The following NTRK2 variants were observed in gnomAD, a reference collection of about 807,000 sequenced individuals.
NTRK2 encodes the protein BDNF/NT-3 growth factors receptor.
In NTRK2, 13 loss-of-function variants were observed where a neutral mutation model predicts 94.5. That is an observed-to-expected ratio of 0.14 (90% confidence interval 0.09 to 0.22). The LOEUF (loss-of-function observed/expected upper bound fraction) is 0.22. Among genes scored for constraint, NTRK2 ranks in the 10% least tolerant of loss-of-function variants. The probability of loss-of-function intolerance (pLI) is 1.00; values close to 1 mark genes in which losing one functional copy is unlikely to be tolerated. For missense variants in NTRK2, 639 were observed against 1,071.2 expected, an observed-to-expected ratio of 0.60 and a Z score of 5.63; for synonymous variants, 372 against 407.4, an observed-to-expected ratio of 0.91 and a Z score of 1.05.
At position 84,724,504 on chromosome 9, in the gene NTRK2, G is replaced by C. The variant is rs1564131256; in HGVS notation, c.853+148G>C. On this transcript the variant is annotated intron_variant, in intron 8 of 18. Coordinates refer to ENST00000277120, the MANE Select transcript of NTRK2 (RefSeq NM_006180.6). Reference sequence around the variant, plus strand: ...CATACTCTATTAAGAAACATTATCAGCCTCTTTTACTGTTCAATTTCTGCT... The same window carrying C: ...CATACTCTATTAAGAAACATTATCACCCTCTTTTACTGTTCAATTTCTGCT... 7.4e-6 allele frequency: 7 copies of C among 944,102 alleles called. No homozygotes were observed. The East Asian group carries it at 1.7e-4, about 23-fold the overall frequency. 58.5% of individuals were successfully genotyped at this position (944,102 alleles called of 1,614,324 possible). A position where few individuals can be genotyped will look rare whatever the true frequency, so the allele number is the denominator to read the frequency against.
intron 12 of NTRK2, among the ~76,000 whole-genome samples, chr9:84,782,037 A>AACACACACAC (rs58851217): frequency 0.028 from 4,246 of 149,592 alleles, 174 homozygotes; most frequent in African/African-American, 0.093. Context: ...CCTCCAAGAA[A>AACACACACAC]ACACACACAC....
intron 16 of NTRK2, among the ~76,000 whole-genome samples, chr9:84,954,496 AT>A (rs1472794597): frequency 6.6e-6 from 1 of 152,166 alleles, no homozygotes; most frequent in African/African-American, 2.4e-5. Flanking sequence ...AAACAATAAA[AT>A]TTTCCCCAGC....
chr9:84,785,495 G>T (rs1364161279), intron 12 of NTRK2, among the ~76,000 whole-genome samples: 1 of 152,210 alleles, frequency 6.6e-6, no homozygotes, highest in Admixed American at 6.5e-5. Flanking sequence ...TTGCAGTCAA[G>T]TGGCTTCCGT....
At chr9:84,874,342 G>A (rs2075987875) in intron 14 of NTRK2, 1 of 1,064,900 alleles carries the variant, frequency 9.4e-7, no homozygotes, top group South Asian at 4.6e-5. Context: ...AATCCTTTAC[G>A]GCAGCTATTA....
intron 12 of NTRK2, among the ~76,000 whole-genome samples, chr9:84,753,577 C>T (rs1050573632): frequency 1.3e-5 from 2 of 152,162 alleles, no homozygotes; most frequent in South Asian, 2.1e-4. Flanking sequence ...GTAGAGACAT[C>T]GCAAACCAAA....
Position 84,818,917 on chromosome 9 carries a change from G to A in NTRK2, c.1397-42123G>A, listed in dbSNP as rs552838068. Among the ~76,000 whole-genome samples, 8 of 152,308 alleles carry A rather than the reference G, an allele frequency of 5.3e-5. No homozygotes were observed. The South Asian group carries it at 1.7e-3, about 32-fold the overall frequency. Reference sequence around the variant, plus strand: ...AACACCCACAGGCAGAGCAGCGTCGGAGCTGCTTGGTCACTTCAATGTGCC... The same window carrying A: ...AACACCCACAGGCAGAGCAGCGTCGAAGCTGCTTGGTCACTTCAATGTGCC... On this transcript the variant is annotated intron_variant, in intron 12 of 18. Coordinates refer to ENST00000277120, the MANE Select transcript of NTRK2 (RefSeq NM_006180.6).
chr9:84,730,728 G>A (rs62562377), intron 9 of NTRK2, among the ~76,000 whole-genome samples: 1 of 51,600 alleles, frequency 1.9e-5, no homozygotes, highest in African/African-American at 9.5e-5. Flanking sequence ...GCGACAGAGC[G>A]AGACTCCGTC....
chr9:84,842,215 C>T lies in NTRK2; in HGVS notation c.1397-18825C>T, dbSNP rs183406130. 4.6e-5 allele frequency among the ~76,000 whole-genome samples: 7 copies of T among 152,222 alleles called. No homozygotes were observed. In the East Asian group the frequency reaches 5.8e-4, roughly 13 times the overall value. ...TAGGACGTACTTTGGGATGCAACTC[C>T]GTTCCTCGTGAAGAGGCTCTGACCT... On this transcript the variant is annotated intron_variant, in intron 12 of 18. Transcript: ENST00000277120.
chr9:84,889,562 A>C (rs1438219939), intron 14 of NTRK2, among the ~76,000 whole-genome samples: 1 of 151,894 alleles, frequency 6.6e-6, no homozygotes, highest in Non-Finnish European at 1.5e-5. Flanking sequence ...CCAGGTGTGC[A>C]CCACCACACC....
intron 12 of NTRK2, among the ~76,000 whole-genome samples, chr9:84,800,161 T>G (rs966220202): frequency 6.6e-6 from 1 of 152,078 alleles, no homozygotes. Context: ...CTAGTTCTGT[T>G]GTCTAGAACA....
chr9:84,746,598 C>T (rs2064098688), intron 11 of NTRK2, among the ~76,000 whole-genome samples: 1 of 152,130 alleles, frequency 6.6e-6, no homozygotes, highest in African/African-American at 2.4e-5. Flanking sequence ...GAAAGCCACA[C>T]TCTTCATGGT....
intron 12 of NTRK2, among the ~76,000 whole-genome samples, chr9:84,781,489 G>T (rs1471261374): frequency 2.0e-5 from 3 of 151,980 alleles, no homozygotes; most frequent in Non-Finnish European, 4.4e-5. Flanking sequence ...ACCCATTAAA[G>T]ACCTAGCCTT....
intron 2 of NTRK2, among the ~76,000 whole-genome samples, chr9:84,681,668 G>A (rs954929737): frequency 2.0e-5 from 3 of 151,920 alleles, no homozygotes; most frequent in Non-Finnish European, 2.9e-5. Flanking sequence ...TTCCTATTTC[G>A]CATCCCCGCC....
rs2132973790 is a variant in NTRK2 at position 84,955,337 on chromosome 9, G to C, written c.1992G>C (p.Leu664=). 6.2e-7 allele frequency: 1 copy of C among 1,612,326 alleles called. No homozygotes were observed. The highest frequency in any genetic ancestry group is 8.5e-7 in the Non-Finnish European group (1 of 1,179,202). ...LMAEGNPPTE[L]TQSQMLHIAQ... ...CTGAGGGCAACCCGCCCACGGAACT[G>C]ACGCAGTCGCAGATGCTGCATATAG... Residue 664 remains leucine (L), a synonymous_variant, in exon 17 of 19, where the codon CTG becomes CTC. Coordinates refer to ENST00000277120, the MANE Select transcript of NTRK2 (RefSeq NM_006180.6).
intron 17 of NTRK2, among the ~76,000 whole-genome samples, chr9:84,971,590 G>A (rs1193788521): frequency 2.0e-5 from 3 of 152,230 alleles, no homozygotes; most frequent in African/African-American, 7.2e-5. Flanking sequence ...GCTGGACATA[G>A]AGCCCAAGGT....
chr9:84,670,835 T>G lies in NTRK2; in HGVS notation c.87T>G (p.Ala29=). The G allele has an allele frequency of 1.9e-6, 3 of 1,614,114 alleles. No individual in the cohort carries two copies. Among genetic ancestry groups the G allele is most frequent in the Non-Finnish European group, 2.5e-6 (3 of 1,180,024 alleles). ...CWLVVGFWRA[A]FACPTSCKCS... is the part of the protein sequence containing the mutation. ...TGGTTGTGGGCTTCTGGAGGGCCGCTTTCGCCTGTCCCACGTCCTGCAAAT... is the reference window on the plus strand; with the variant it reads ...TGGTTGTGGGCTTCTGGAGGGCCGCGTTCGCCTGTCCCACGTCCTGCAAAT... The change falls in exon 2 of 19, where the codon GCT becomes GCG. Residue 29 remains alanine, a synonymous_variant. Transcript: ENST00000277120.
chr9:84,904,600 T>G (rs1023303825), intron 14 of NTRK2, among the ~76,000 whole-genome samples: 8 of 152,206 alleles, frequency 5.3e-5, no homozygotes, highest in Non-Finnish European at 1.2e-4. Flanking sequence ...AAATAAAAAT[T>G]TAGTGATATC....
intron 12 of NTRK2, among the ~76,000 whole-genome samples, chr9:84,829,408 C>CA (rs887818434): frequency 6.6e-6 from 1 of 152,144 alleles, no homozygotes; most frequent in Non-Finnish European, 1.5e-5. Context: ...AGGTAATAGT[C>CA]AAACAAAGCA....
At chr9:84,952,775 A>G (rs1408488399) in intron 16 of NTRK2, among the ~76,000 whole-genome samples, 1 of 152,194 alleles carries the variant, frequency 6.6e-6, no homozygotes, top group African/African-American at 2.4e-5. Context: ...TATAAAGTGC[A>G]TTAGGCATTT....
Sources: allele counts gnomAD v4.1 joint callset (sites outside exome capture counted in the v4.1 genomes callset), GRCh38; gene constraint gnomAD v4.1.1; transcripts MANE v1.5; gene names NCBI Gene and HGNC (gene_info 2026-07-23, HGNC 2026-07-21).